Variants in TRIB2 observed in about 807,000 individuals in gnomAD.
TRIB2 encodes the protein tribbles homolog 2.
TRIB2 carries 2 observed loss-of-function variants against 26.8 expected under a neutral mutation model. The observed-to-expected ratio is 0.07, with a 90% CI of 0.03 to 0.24. TRIB2 has a LOEUF of 0.24. Among genes scored for constraint, TRIB2 ranks in the 10% least tolerant of loss-of-function variants. The pLI is 1.00. For synonymous variants in TRIB2, 189 were observed against 187.3 expected, an observed-to-expected ratio of 1.01 and a Z score of -0.08; for missense variants, 306 against 449.0, an observed-to-expected ratio of 0.68 and a Z score of 2.88.
intron 2 of TRIB2, among the ~76,000 whole-genome samples, chr2:12,738,646 C>T (rs914856549): frequency 6.6e-6 from 1 of 152,156 alleles, no homozygotes; most frequent in African/African-American, 2.4e-5. Context: ...CAATTCCTAA[C>T]TTTCCACTCA....
In TRIB2 at chr2:12,717,140, A is replaced by G. The variant is rs1350300188; in HGVS notation, c.-1168A>G. ...TCCCCTCTTTTCTCTGGGGGGGGCA[A>G]GCAAGAAATCAAAGAAGGAGGAGAC... On this transcript the variant is annotated 5_prime_UTR_variant, in exon 1 of 3. Coordinates refer to ENST00000155926, the MANE Select transcript of TRIB2 (RefSeq NM_021643.4). This position sits in a 1 kb window ranked among gnomAD's most constrained non-coding sequence, Gnocchi z 4.8. 5.3e-6 allele frequency: 2 copies of G among 374,908 alleles called. No homozygotes were observed. The highest frequency in any genetic ancestry group is 4.2e-5 in the African/African-American group (2 of 48,072). The allele number at this position is 374,908 out of a possible 1,614,324, so 23.2% of individuals were successfully genotyped here.
intron 2 of TRIB2, among the ~76,000 whole-genome samples, chr2:12,726,221 C>T (rs1661338254): frequency 6.6e-6 from 1 of 152,234 alleles, no homozygotes; most frequent in Non-Finnish European, 1.5e-5. Context: ...TAAAATCCAA[C>T]TATCAACTTT....
At chr2:12,736,338 G>A (rs1386143193) in intron 2 of TRIB2, among the ~76,000 whole-genome samples, 3 of 151,976 alleles carry the variant, frequency 2.0e-5, no homozygotes, top group African/African-American at 7.3e-5. Flanking sequence ...AGAGGGAGAT[G>A]GTCGAGAGTC....
chr2:12,739,891 T>C (rs1166940701), intron 2 of TRIB2, among the ~76,000 whole-genome samples: 1 of 152,236 alleles, frequency 6.6e-6, no homozygotes, highest in Non-Finnish European at 1.5e-5. Flanking sequence ...TAGTTACACG[T>C]CTGCCAAAAG....
chr2:12,737,181 C>T (rs13016883), intron 2 of TRIB2, among the ~76,000 whole-genome samples: 20,541 of 152,168 alleles, frequency 0.13, 1,572 homozygotes, highest in African/African-American at 0.21. Flanking sequence ...TTGGGGCAGA[C>T]GAACCTGGGC....
At chr2:12,731,064 G>C (rs1661443169) in intron 2 of TRIB2, among the ~76,000 whole-genome samples, 1 of 152,160 alleles carries the variant, frequency 6.6e-6, no homozygotes, top group Non-Finnish European at 1.5e-5. Flanking sequence ...GATGGTACAG[G>C]AATCAGTACA....
At chr2:12,723,055 C>A (rs564992186) in intron 1 of TRIB2, among the ~76,000 whole-genome samples, 1 of 152,038 alleles carries the variant, frequency 6.6e-6, no homozygotes, top group African/African-American at 2.4e-5. Context: ...CCATGTTGTA[C>A]GTAAAGATTT....
chr2:12,718,646 C>G lies in TRIB2; in HGVS notation c.270+69C>G. 1 of 1,565,812 alleles carries G rather than the reference C, an allele frequency of 6.4e-7. No homozygotes were observed. The highest frequency in any genetic ancestry group is 2.3e-5 in the East Asian group (1 of 44,094). ...AGGGAGCGGGAGGGCGCCAGGCCCT[C>G]GAGTCTGGGAGAGGGAGATTCGCGG... On this transcript the variant is annotated intron_variant, in intron 1 of 2. Coordinates refer to ENST00000155926, the MANE Select transcript of TRIB2 (RefSeq NM_021643.4). The surrounding 1 kb of genome is among the most constrained non-coding windows in gnomAD (Gnocchi z 4.0).
chr2:12,723,660 A>T (rs1479974639), intron 2 of TRIB2, 108 bp downstream of exon 2: 1 of 1,335,610 alleles, frequency 7.5e-7, no homozygotes, highest in East Asian at 2.4e-5. Context: ...GGTCCAGATG[A>T]GGGGAAGGAA....
intron 2 of TRIB2, among the ~76,000 whole-genome samples, chr2:12,726,408 C>A (rs1301404109): frequency 6.6e-6 from 1 of 152,188 alleles, no homozygotes. Flanking sequence ...TGCATGGTGG[C>A]CTACATGGAG....
intron 2 of TRIB2, 64 bp downstream of exon 2, chr2:12,723,616 A>G (rs564931954): frequency 1.8e-5 from 28 of 1,542,048 alleles, no homozygotes; most frequent in Non-Finnish European, 2.3e-5. Flanking sequence ...AGCTTCCTAG[A>G]AAAGTCTTGA....
At chr2:12,730,343 C>CTA (rs1252969404) in intron 2 of TRIB2, among the ~76,000 whole-genome samples, 1 of 152,106 alleles carries the variant, frequency 6.6e-6, no homozygotes, top group Non-Finnish European at 1.5e-5. Flanking sequence ...ACCCAGGCCC[C>CTA]TGGCTCCAGA....
chr2:12,723,671 T>C, intron 2 of TRIB2, 119 bp downstream of exon 2: 3 of 1,184,164 alleles, frequency 2.5e-6, no homozygotes, highest in Non-Finnish European at 3.5e-6. Flanking sequence ...GGGGAAGGAA[T>C]CTTAGGAGGG....
At chr2:12,719,360 A>T (rs139396743) in intron 1 of TRIB2, among the ~76,000 whole-genome samples, 12 of 152,080 alleles carry the variant, frequency 7.9e-5, no homozygotes, top group African/African-American at 1.4e-4. Flanking sequence ...ACTGCGATGG[A>T]CACTTCGGTT....
rs1246469465 is a variant in TRIB2 at position 12,740,850 on chromosome 2, G to T, written c.*56G>T. The T allele has an allele frequency of 1.1e-5, 16 of 1,508,444 alleles. No individual in the cohort carries two copies. The East Asian group carries it at 3.2e-4, about 30-fold the overall frequency. The allele number at this position is 1,508,444 out of a possible 1,614,324, so 93.4% of individuals were successfully genotyped here. A position where few individuals can be genotyped will look rare whatever the true frequency, so the allele number is the denominator to read the frequency against. On this transcript the variant is annotated 3_prime_UTR_variant, in exon 3 of 3. Coordinates refer to ENST00000155926, the MANE Select transcript of TRIB2 (RefSeq NM_021643.4). The surrounding 1 kb of genome is among the most constrained non-coding windows in gnomAD (Gnocchi z 5.8). ...CAGGAGTGAGCGAGGGCAGCGGAAA[G>T]GAGTTCTTCCGGGGGACACGAATTG... is the stretch of plus-strand genomic sequence containing the variant.
chr2:12,721,712 C>G (rs1486292479), intron 1 of TRIB2, among the ~76,000 whole-genome samples: 1 of 152,176 alleles, frequency 6.6e-6, no homozygotes, highest in African/African-American at 2.4e-5. Context: ...TGAGATGCCT[C>G]GTTATGGTTC....
At chr2:12,730,701 G>C (rs1661434281) in intron 2 of TRIB2, among the ~76,000 whole-genome samples, 1 of 152,146 alleles carries the variant, frequency 6.6e-6, no homozygotes, top group Non-Finnish European at 1.5e-5. Flanking sequence ...GCAGTACTTA[G>C]GAATGTGTGA....
rs752550457 is a variant in TRIB2, at chr2:12,740,480, C to A, written c.718C>A (p.Leu240Met). ...GGGCAAAGCAGCCGACGTGTGGAGC[C>A]TGGGGGTGATGCTGTACACCATGTT... is the stretch of plus-strand genomic sequence containing the variant. ...YSGKAADVWS[L>M]GVMLYTMLVG... The change falls in exon 3 of 3, where the codon CTG becomes ATG. Residue 240 changes from leucine to methionine, a missense_variant. Around this residue, in one of 4 missense-constraint regions of TRIB2, gnomAD observed 11 missense variants for 48.7 expected, o/e 0.23. Coordinates refer to ENST00000155926, the MANE Select transcript of TRIB2 (RefSeq NM_021643.4). The surrounding 1 kb of genome is among the most constrained non-coding windows in gnomAD (Gnocchi z 5.8). The A allele has an allele frequency of 1.2e-6, 2 of 1,614,068 alleles. No individual in the cohort carries two copies. The highest frequency in any genetic ancestry group is 2.2e-5 in the South Asian group (2 of 91,078).
intron 2 of TRIB2, among the ~76,000 whole-genome samples, chr2:12,724,031 C>G (rs574739016): frequency 6.6e-6 from 1 of 152,150 alleles, no homozygotes; most frequent in Non-Finnish European, 1.5e-5. Flanking sequence ...AGATAGCCAA[C>G]GGACCTATAA....
Sources: gnomAD v4.1 joint callset for allele counts (sites outside exome capture counted in the v4.1 genomes callset) on GRCh38, gnomAD v4.1.1 for gene constraint, gnomAD v4.1.1 regional missense constraint, Gnocchi (gnomAD v3.1) non-coding constraint, MANE v1.5 for transcripts, NCBI Gene and HGNC (gene_info 2026-07-23, HGNC 2026-07-21) for gene names.